PLXNA2: variants seen among roughly 807,000 people sequenced by gnomAD.
The protein encoded by PLXNA2 is plexin-A2.
A neutral mutation model predicts 193.5 loss-of-function variants in PLXNA2; 91 were observed. That is an observed-to-expected ratio of 0.47 (90% confidence interval 0.40 to 0.56). The LOEUF is 0.56. Ranked by LOEUF, PLXNA2 falls within the 20% of genes least tolerant of loss-of-function variation. The pLI, the probability that PLXNA2 is intolerant of heterozygous loss-of-function variation, is 0.00. For missense variants in PLXNA2, 1,995 were observed against 2,503.2 expected, an observed-to-expected ratio of 0.80 and a Z score of 4.33; for synonymous variants, 997 against 1,027.3, an observed-to-expected ratio of 0.97 and a Z score of 0.56.
At chr1:208,141,842 G>T (rs1008590826) in intron 4 of PLXNA2, among the ~76,000 whole-genome samples, 3 of 152,200 alleles carry the variant, frequency 2.0e-5, no homozygotes, top group African/African-American at 7.2e-5. Flanking sequence ...CATAGGCCTG[G>T]TTTCAGCTTC....
intron 26 of PLXNA2, among the ~76,000 whole-genome samples, chr1:208,036,771 T>C (rs1376949944): frequency 6.6e-6 from 1 of 152,158 alleles, no homozygotes; most frequent in Non-Finnish European, 1.5e-5. Flanking sequence ...GAATGATAAA[T>C]GACATCAGGG....
rs1256351835 is a variant in PLXNA2 at position 208,026,327 on chromosome 1, A to T, written c.*916T>A. Reference sequence around the variant, plus strand: ...CCACTTCTCATAGTAACTTTAGGGAAATTGAAAGGAAACATATCAAAGACC... The same window carrying T: ...CCACTTCTCATAGTAACTTTAGGGATATTGAAAGGAAACATATCAAAGACC... On this transcript the variant is annotated 3_prime_UTR_variant, in exon 32 of 32. Coordinates refer to ENST00000367033, the MANE Select transcript of PLXNA2 (RefSeq NM_025179.4). 6.6e-6 allele frequency: 1 copy of T among 152,222 alleles called. No individual in the cohort carries two copies. Among genetic ancestry groups the T allele is most frequent in the Non-Finnish European group, 1.5e-5 (1 of 68,048 alleles). The allele number at this position is 152,222 out of a possible 1,614,324, so 9.4% of individuals were successfully genotyped here.
At chr1:208,210,662 CCAGATGAAAGAACAGG>C (rs1458175123) in intron 2 of PLXNA2, among the ~76,000 whole-genome samples, 200 bp from the exon 3 acceptor site, 2 of 152,150 alleles carry the variant, frequency 1.3e-5, no homozygotes, top group African/African-American at 4.8e-5. Flanking sequence ...TCTTATGAAG[CCAGATGAAAGAACAGG>C]CAGCAACCTT....
At chr1:208,106,475 G>A (rs937773760) in intron 4 of PLXNA2, among the ~76,000 whole-genome samples, 1 of 152,208 alleles carries the variant, frequency 6.6e-6, no homozygotes, top group Non-Finnish European at 1.5e-5. Flanking sequence ...AGAGGGCTGA[G>A]GGAATTCAGA....
At chr1:208,168,068 C>T (rs1203981786) in intron 3 of PLXNA2, among the ~76,000 whole-genome samples, 3 of 152,224 alleles carry the variant, frequency 2.0e-5, no homozygotes, top group Non-Finnish European at 2.9e-5. Flanking sequence ...TTTTGCTACT[C>T]ATGGGCTGTG....
intron 12 of PLXNA2, among the ~76,000 whole-genome samples, chr1:208,078,098 T>TA (rs2102379564): frequency 6.6e-6 from 1 of 152,340 alleles, no homozygotes; most frequent in South Asian, 2.1e-4. Context: ...CTCTGCCACT[T>TA]ATCAGCGGTA....
chr1:208,038,336 G>A lies in PLXNA2; in HGVS notation c.4764+35C>T, dbSNP rs768710904. The stretch of plus-strand genomic sequence containing the variant: ...GGCTTAGCGGGAAGGGAACATTCTG[G>A]GAAGCTGAAGAGGGGAAAAGACACC... On this transcript the variant is annotated intron_variant, in intron 26 of 31. Transcript: ENST00000367033. The surrounding 1 kb of genome is among the most constrained non-coding windows in gnomAD (Gnocchi z 4.1). The A allele has an allele frequency of 1.4e-6, 2 of 1,414,812 alleles. No homozygotes were observed. Among genetic ancestry groups the A allele is most frequent in the Non-Finnish European group, 1.0e-6 (1 of 998,128 alleles). 87.6% of individuals were successfully genotyped at this position (1,414,812 alleles called of 1,614,324 possible).
chr1:208,052,244 T>A, intron 15 of PLXNA2, 83 bp downstream of exon 15: 4 of 1,401,256 alleles, frequency 2.9e-6, no homozygotes, highest in Non-Finnish European at 4.0e-6. Context: ...GGGGCAGGCC[T>A]ATGAATGAAC....
Position 208,038,251 on chromosome 1 carries a change from G to T in PLXNA2, c.4764+120C>A. ...CTAAGAATCCCTGTTCTATGCTCCA[G>T]CAGGAGGAGGAAAGCAGGGAGAGGA... On this transcript the variant is annotated intron_variant, in intron 26 of 31. Transcript: ENST00000367033. This position sits in a 1 kb window ranked among gnomAD's most constrained non-coding sequence, Gnocchi z 4.1. The T allele has an allele frequency of 1.4e-6, 1 of 725,284 alleles. No homozygotes were observed. Among genetic ancestry groups the T allele is most frequent in the Non-Finnish European group, 2.5e-6 (1 of 397,540 alleles). 44.9% of individuals were successfully genotyped at this position (725,284 alleles called of 1,614,324 possible).
chr1:208,055,860 A>C (rs1333086088), intron 13 of PLXNA2, among the ~76,000 whole-genome samples: 1 of 152,228 alleles, frequency 6.6e-6, no homozygotes, highest in Non-Finnish European at 1.5e-5. Context: ...CTCCTAGCGA[A>C]TATTTACTTA....
Position 208,033,425 on chromosome 1 carries a change from T to G in PLXNA2, c.4949A>C (p.Lys1650Thr). 1 of 1,614,166 alleles carries G rather than the reference T, an allele frequency of 6.2e-7. No individual in the cohort carries two copies. The highest frequency in any genetic ancestry group is 8.5e-7 in the Non-Finnish European group (1 of 1,180,016). ...ATGGTTCTTCACCAGATGCCACACCTTGACCCCACTTTCCAGGTCTGGGGT... is the reference window on the plus strand; with the variant it reads ...ATGGTTCTTCACCAGATGCCACACCGTGACCCCACTTTCCAGGTCTGGGGT... ...MITPDLESGV[K>T]VWHLVKNHDH... is the part of the protein sequence containing the mutation. Residue 1650 changes from lysine (K) to threonine (T), a missense_variant, in exon 28 of 32, where the codon AAG becomes ACG. Physicochemically the swap from Lys to Thr is moderately conservative, Grantham distance 78 (BLOSUM62 -1). Coordinates refer to ENST00000367033, the MANE Select transcript of PLXNA2 (RefSeq NM_025179.4).
intron 29 of PLXNA2, chr1:208,030,151 C>A: frequency 1.0e-6 from 1 of 985,618 alleles, no homozygotes; most frequent in Non-Finnish European, 1.2e-6. Flanking sequence ...TCACTTTCCT[C>A]TAGCCTGGGA....
rs1387307354 is a variant in PLXNA2, at chr1:208,097,025, C to T, written c.1732-142G>A. On this transcript the variant is annotated intron_variant, in intron 6 of 31. Transcript: ENST00000367033. ...GAAGGATGTTGGTCTAAGTGGTCTT[C>T]CAGCTTTGAACACTGAAGTTACAGT... 7.5e-5 allele frequency: 50 copies of T among 662,846 alleles called. 1 individual carries two copies. The highest frequency in any genetic ancestry group is 2.8e-5 in the East Asian group (1 of 36,156). 41.1% of individuals were successfully genotyped at this position (662,846 alleles called of 1,614,324 possible).
At chr1:208,071,782 C>T (rs2478815) in intron 12 of PLXNA2, among the ~76,000 whole-genome samples, 7,823 of 152,266 alleles carry the variant, frequency 0.051, 287 homozygotes, top group East Asian at 0.11. Context: ...AATAAATGAA[C>T]GAAAGATCAG....
chr1:208,134,501 C>T (rs555474884), intron 4 of PLXNA2, among the ~76,000 whole-genome samples: 54 of 152,292 alleles, frequency 3.5e-4, no homozygotes, highest in South Asian at 3.3e-3. Flanking sequence ...GCATCAAAGC[C>T]TTGGATTGAA....
intron 3 of PLXNA2, among the ~76,000 whole-genome samples, chr1:208,145,344 C>A (rs1668573218): frequency 6.6e-6 from 1 of 152,206 alleles, no homozygotes. Flanking sequence ...CCAGCAGCTG[C>A]AGGGCTGGGT....
At chr1:208,053,896 C>T (rs991803361) in intron 14 of PLXNA2, among the ~76,000 whole-genome samples, 1 of 152,138 alleles carries the variant, frequency 6.6e-6, no homozygotes, top group African/African-American at 2.4e-5. Context: ...ACCACAGTAG[C>T]GAGTTACACA....
At chr1:208,149,944 A>G (rs1668708938) in intron 3 of PLXNA2, among the ~76,000 whole-genome samples, 1 of 152,154 alleles carries the variant, frequency 6.6e-6, no homozygotes, top group South Asian at 2.1e-4. Context: ...GAGCTGTGAA[A>G]ACATTAACTA....
At chr1:208,102,272 G>A (rs537227920) in intron 5 of PLXNA2, among the ~76,000 whole-genome samples, 3 of 152,290 alleles carry the variant, frequency 2.0e-5, no homozygotes, top group East Asian at 1.9e-4. Flanking sequence ...CTCCGCCTCC[G>A]CCTCCACCCC....
Sources: gnomAD v4.1 joint callset for allele counts (sites outside exome capture counted in the v4.1 genomes callset) on GRCh38, gnomAD v4.1.1 for gene constraint, Gnocchi (gnomAD v3.1) non-coding constraint, MANE v1.5 for transcripts, NCBI Gene and HGNC (gene_info 2026-07-23, HGNC 2026-07-21) for gene names.